Variants in ARHGAP17 observed in about 807,000 individuals in gnomAD.
ARHGAP17 encodes the protein Rho GTPase activating protein 17.
ARHGAP17 carries 57 observed loss-of-function variants against 99.5 expected under a neutral mutation model. That is an observed-to-expected ratio of 0.57 (90% CI 0.46 to 0.71). ARHGAP17 has a LOEUF of 0.71. Among genes scored for constraint, ARHGAP17 ranks in the 30% least tolerant of loss-of-function variants. The pLI is 0.00. For missense variants in ARHGAP17, 1,000 were observed against 1,122.4 expected (o/e 0.89, Z 1.56); for synonymous variants, 417 against 429.6 (o/e 0.97, Z 0.36).
chr16:24,964,413 C>T, intron 6 of ARHGAP17, 105 bp from the exon 7 acceptor site: 1 of 776,442 alleles, frequency 1.3e-6, no homozygotes. Flanking sequence ...TTGATTCTAC[C>T]TGGAAGGGGT....
chr16:24,941,389 C>T lies in ARHGAP17; in HGVS notation c.1490+598G>A, dbSNP rs137944453. On this transcript the variant is annotated intron_variant, in intron 16 of 19. Coordinates refer to ENST00000289968, the MANE Select transcript of ARHGAP17 (RefSeq NM_001006634.3). ...CACAAATTACAAACAGTCTTAATCA[C>T]CCTTGAAAATCCCATGAATTGCCCA... Among the ~76,000 whole-genome samples, 355 of 152,260 alleles carry T rather than the reference C, an allele frequency of 2.3e-3. 2 individuals are homozygous for T. The highest frequency in any genetic ancestry group is 8.2e-3 in the African/African-American group (342 of 41,536).
intron 19 of ARHGAP17, among the ~76,000 whole-genome samples, chr16:24,922,139 A>C (rs866035064): frequency 6.6e-6 from 1 of 152,258 alleles, no homozygotes; most frequent in African/African-American, 2.4e-5. Flanking sequence ...CGTATAAGAA[A>C]ATCACTGCAA....
At chr16:24,923,511 G>A (rs2050766039) in intron 19 of ARHGAP17, among the ~76,000 whole-genome samples, 1 of 152,026 alleles carries the variant, frequency 6.6e-6, no homozygotes, top group Non-Finnish European at 1.5e-5. Flanking sequence ...GATGGTGTGA[G>A]CCCAGAAGTT....
At chr16:24,961,735 T>C (rs1363813294) in intron 7 of ARHGAP17, among the ~76,000 whole-genome samples, 1 of 150,812 alleles carries the variant, frequency 6.6e-6, no homozygotes, top group Non-Finnish European at 1.5e-5. Flanking sequence ...AGTTTCATCA[T>C]GTTGGTCAGC....
intron 19 of ARHGAP17, 168 bp downstream of exon 19, chr16:24,930,616 G>A: frequency 8.9e-7 from 1 of 1,126,762 alleles, no homozygotes; most frequent in Non-Finnish European, 1.3e-6. Flanking sequence ...GGGTGTAGCT[G>A]TGTTCCAATA....
intron 19 of ARHGAP17, chr16:24,927,622 G>C: frequency 2.2e-6 from 2 of 912,946 alleles, no homozygotes; most frequent in Non-Finnish European, 2.9e-6. Flanking sequence ...ACAGGCATGA[G>C]TGCACAAATA....
intron 1 of ARHGAP17, among the ~76,000 whole-genome samples, chr16:25,001,841 T>C (rs2053367968): frequency 6.6e-6 from 1 of 152,208 alleles, no homozygotes. Context: ...CCCAGCACTT[T>C]GGGAGACCAA....
intron 13 of ARHGAP17, among the ~76,000 whole-genome samples, chr16:24,948,115 T>C (rs1597389796): frequency 6.6e-6 from 1 of 152,316 alleles, no homozygotes; most frequent in East Asian, 1.9e-4. Flanking sequence ...AATCACAGTA[T>C]ATCCATACAG....
Position 24,968,443 on chromosome 16 carries a change from T to C in ARHGAP17, c.385-16A>G, listed in dbSNP as rs750340908. On this transcript the variant is annotated splice_polypyrimidine_tract_variant and intron_variant, in intron 5 of 19. Coordinates refer to ENST00000289968, the MANE Select transcript of ARHGAP17 (RefSeq NM_001006634.3). ...GAATCTCCACCTAAAAATAAGAACA[T>C]ACCAAATGGGATGCACTTCAGGGCT... 1.2e-6 allele frequency: 2 copies of C among 1,613,992 alleles called. No individual in the cohort carries two copies. Among genetic ancestry groups the C allele is most frequent in the Non-Finnish European group, 1.7e-6 (2 of 1,179,808 alleles).
At chr16:25,007,494 T>C (rs1167111270) in intron 1 of ARHGAP17, among the ~76,000 whole-genome samples, 3 of 152,038 alleles carry the variant, frequency 2.0e-5, no homozygotes, top group African/African-American at 4.8e-5. Flanking sequence ...GCCTCCCAAG[T>C]AGCTGGGGAC....
chr16:24,928,870 A>T (rs1392424752), intron 19 of ARHGAP17, among the ~76,000 whole-genome samples: 1 of 152,248 alleles, frequency 6.6e-6, no homozygotes, highest in African/African-American at 2.4e-5. Context: ...ATGCAAAGGA[A>T]TTTAAAATAA....
At chr16:24,953,181 C>T (rs992143832) in intron 10 of ARHGAP17, 139 bp from the exon 11 acceptor site, 1 of 723,640 alleles carries the variant, frequency 1.4e-6, no homozygotes, top group Non-Finnish European at 2.3e-6. Context: ...CCCTGCAGGG[C>T]TGTCAGGAGG....
chr16:25,001,099 A>G (rs1033992715), intron 1 of ARHGAP17, among the ~76,000 whole-genome samples: 5 of 152,222 alleles, frequency 3.3e-5, no homozygotes, highest in Non-Finnish European at 7.3e-5. Context: ...ACAGCTACAC[A>G]CTATTTTGGA....
intron 12 of ARHGAP17, among the ~76,000 whole-genome samples, chr16:24,950,439 C>A (rs2051600543): frequency 6.6e-6 from 1 of 152,156 alleles, no homozygotes; most frequent in Non-Finnish European, 1.5e-5. Context: ...GGCTGGGCCC[C>A]AGGCAGGGTT....
intron 1 of ARHGAP17, among the ~76,000 whole-genome samples, chr16:25,012,441 A>G (rs1278329884): frequency 6.6e-6 from 1 of 152,170 alleles, no homozygotes; most frequent in Non-Finnish European, 1.5e-5. Context: ...AAATTGATAA[A>G]CCAAAACACG....
intron 1 of ARHGAP17, among the ~76,000 whole-genome samples, chr16:24,981,632 C>CA (rs879910178): frequency 6.6e-6 from 1 of 152,166 alleles, no homozygotes; most frequent in Non-Finnish European, 1.5e-5. Flanking sequence ...TGGGAAATCT[C>CA]AGAGAGTAGG....
chr16:24,948,183 G>A (rs2141217520), intron 13 of ARHGAP17, among the ~76,000 whole-genome samples: 1 of 152,312 alleles, frequency 6.6e-6, no homozygotes, highest in East Asian at 1.9e-4. Context: ...TCTCCAAGAT[G>A]TATTACGCAA....
At chr16:24,977,911 G>A (rs2052566532) in intron 2 of ARHGAP17, among the ~76,000 whole-genome samples, 1 of 152,160 alleles carries the variant, frequency 6.6e-6, no homozygotes, top group Non-Finnish European at 1.5e-5. Context: ...ATGAGAGCAG[G>A]CCCTTTGGGA....
chr16:24,961,188 T>C (rs967174263), intron 7 of ARHGAP17, among the ~76,000 whole-genome samples: 1 of 151,816 alleles, frequency 6.6e-6, no homozygotes, highest in Non-Finnish European at 1.5e-5. Context: ...TTGTCACATA[T>C]GTATAAAAAT....
Sources: allele counts gnomAD v4.1 joint callset (sites outside exome capture counted in the v4.1 genomes callset), GRCh38; gene constraint gnomAD v4.1.1; transcripts MANE v1.5; gene names NCBI Gene and HGNC (gene_info 2026-07-23, HGNC 2026-07-21).